Variants in INTS9 observed in about 807,000 individuals in gnomAD.
INTS9 encodes the protein integrator complex subunit 9.
INTS9 carries 55 observed loss-of-function variants against 79.7 expected under a neutral mutation model. The ratio of observed to expected loss-of-function variants is 0.69; its 90% CI spans 0.56 to 0.86. The LOEUF (loss-of-function observed/expected upper bound fraction) is 0.86, where lower values mean the gene tolerates loss of function less well. Among genes scored for constraint, INTS9 ranks in the 40% least tolerant of loss-of-function variants. The pLI is 0.00. For missense variants in INTS9, 721 were observed against 831.5 expected (o/e 0.87, Z 1.64); for synonymous variants, 319 against 325.2 (o/e 0.98, Z 0.20).
chr8:28,817,984 T>C (rs1254129797), intron 6 of INTS9, among the ~76,000 whole-genome samples: 9 of 148,228 alleles, frequency 6.1e-5, no homozygotes, highest in African/African-American at 1.7e-4. Flanking sequence ...ATGCTTGTGA[T>C]TTTTGTACAT....
chr8:28,840,293 C>T (rs889446579), intron 4 of INTS9, among the ~76,000 whole-genome samples: 23 of 150,982 alleles, frequency 1.5e-4, no homozygotes, highest in East Asian at 1.4e-3. Context: ...CAGGAAACAA[C>T]GGGTGCTGGA....
At chr8:28,836,102 G>A (rs1262227906) in intron 5 of INTS9, among the ~76,000 whole-genome samples, 3 of 152,150 alleles carry the variant, frequency 2.0e-5, no homozygotes, top group African/African-American at 7.2e-5. Context: ...ATGAGCCACC[G>A]TGGCCAGCCT....
intron 1 of INTS9, among the ~76,000 whole-genome samples, chr8:28,869,183 T>TA (rs951034153): frequency 3.3e-5 from 5 of 152,134 alleles, no homozygotes; most frequent in East Asian, 1.9e-4. Flanking sequence ...ATGCTTCCTT[T>TA]AAAAAAAATA....
At chr8:28,864,802 T>C (rs924147615) in intron 1 of INTS9, among the ~76,000 whole-genome samples, 2 of 151,998 alleles carry the variant, frequency 1.3e-5, no homozygotes, top group Non-Finnish European at 2.9e-5. Flanking sequence ...ATCCTAACAT[T>C]TTGGGAGGCT....
intron 1 of INTS9, among the ~76,000 whole-genome samples, chr8:28,882,641 T>C (rs1267885348): frequency 1.3e-5 from 2 of 151,608 alleles, no homozygotes; most frequent in African/African-American, 4.8e-5. Flanking sequence ...CAAGACATCT[T>C]ATTATACACC....
At chr8:28,852,230 T>G (rs1205175197) in intron 2 of INTS9, among the ~76,000 whole-genome samples, 2 of 148,354 alleles carry the variant, frequency 1.3e-5, no homozygotes, top group African/African-American at 4.9e-5. Context: ...CTCAAAAAAA[T>G]AAAAAAAGAA....
chr8:28,882,540 A>G (rs1315894757), intron 1 of INTS9, among the ~76,000 whole-genome samples: 2 of 143,894 alleles, frequency 1.4e-5, no homozygotes, highest in African/African-American at 5.2e-5. Flanking sequence ...GCTAAAAAAA[A>G]AAAAAAAGAA....
At chr8:28,797,631 T>C (rs150344052) in intron 8 of INTS9, among the ~76,000 whole-genome samples, 2 of 152,304 alleles carry the variant, frequency 1.3e-5, no homozygotes, top group East Asian at 1.9e-4. Context: ...TCAAAAAATA[T>C]TACCCTTTCT....
intron 16 of INTS9, among the ~76,000 whole-genome samples, chr8:28,769,150 C>T (rs2130831849): frequency 6.6e-6 from 1 of 152,234 alleles, no homozygotes; most frequent in Middle Eastern, 3.4e-3. Flanking sequence ...AAAACCAATC[C>T]TAGGAAAGGG....
At chr8:28,816,565 T>A (rs1265550485) in intron 6 of INTS9, among the ~76,000 whole-genome samples, 1 of 150,026 alleles carries the variant, frequency 6.7e-6, no homozygotes, top group African/African-American at 2.5e-5. Context: ...GTTGGACATT[T>A]GGGTTGGTTC....
At chr8:28,838,045 T>A (rs921784075) in intron 4 of INTS9, among the ~76,000 whole-genome samples, 2 of 151,954 alleles carry the variant, frequency 1.3e-5, no homozygotes, top group Admixed American at 1.3e-4. Context: ...ATTAGACTTA[T>A]GAGGTTAAAT....
intron 1 of INTS9, among the ~76,000 whole-genome samples, chr8:28,882,532 T>TAAAAAAAAAAAAAAAAAA (rs369293166): frequency 1.1e-4 from 7 of 63,306 alleles, no homozygotes; most frequent in South Asian, 5.0e-4. Flanking sequence ...TATTAACAGC[T>TAAAAAAAAAAAAAAAAAA]AAAAAAAAAA....
chr8:28,868,326 TA>T (rs1003040755), intron 1 of INTS9, among the ~76,000 whole-genome samples: 1 of 152,248 alleles, frequency 6.6e-6, no homozygotes, highest in Non-Finnish European at 1.5e-5. Context: ...TCTCTTACTG[TA>T]AAGTAGTTCT....
At chr8:28,856,420 G>A (rs1808162609) in intron 2 of INTS9, among the ~76,000 whole-genome samples, 1 of 152,022 alleles carries the variant, frequency 6.6e-6, no homozygotes, top group South Asian at 2.1e-4. Flanking sequence ...TTTTGTTTTT[G>A]TTGTTGTTTT....
chr8:28,843,738 T>C (rs928480343), intron 4 of INTS9, among the ~76,000 whole-genome samples: 1 of 152,096 alleles, frequency 6.6e-6, no homozygotes, highest in African/African-American at 2.4e-5. Context: ...TTTTCTTTTT[T>C]TTTTTTTAAA....
At chr8:28,860,476 T>C (rs773169706) in intron 1 of INTS9, among the ~76,000 whole-genome samples, 13 of 140,382 alleles carry the variant, frequency 9.3e-5, no homozygotes, top group South Asian at 2.2e-4. Context: ...CATTCTCTCC[T>C]TTTTTTTTTT....
At chr8:28,871,070 A>C (rs1012774980) in intron 1 of INTS9, among the ~76,000 whole-genome samples, 32 of 152,206 alleles carry the variant, frequency 2.1e-4, no homozygotes, top group Admixed American at 2.0e-3. Context: ...TGACTGGCTA[A>C]GTACTAGGGC....
rs539097853 is a variant in INTS9, at chr8:28,768,289, C to G, written c.1834G>C (p.Ala612Pro). 3 of 1,613,922 alleles carry G rather than the reference C, an allele frequency of 1.9e-6. No individual in the cohort carries two copies. The African/African-American group carries it at 4.0e-5, about 22-fold the overall frequency. ...GFSDIKVEDTAKGHIVLLQEA... is the reference protein window; with the variant it reads ...GFSDIKVEDTPKGHIVLLQEA... ...TGGAGCAGGACGATATGGCCCTTGG[C>G]TGTGTCCTCCACCTTAATATCACTG... Residue 612 changes from alanine to proline, a missense_variant, in exon 17 of 17, where the codon GCC becomes CCC. By Grantham distance (27) the Ala-to-Pro change is conservative. Coordinates refer to ENST00000521022, the MANE Select transcript of INTS9 (RefSeq NM_018250.4).
At chr8:28,855,387 T>C (rs1481142122) in intron 2 of INTS9, among the ~76,000 whole-genome samples, 1 of 152,200 alleles carries the variant, frequency 6.6e-6, no homozygotes, top group African/African-American at 2.4e-5. Context: ...AAGATAAAAT[T>C]TGATTTGTGC....
Sources: gnomAD v4.1 joint callset for allele counts (sites outside exome capture counted in the v4.1 genomes callset) on GRCh38, gnomAD v4.1.1 for gene constraint, MANE v1.5 for transcripts, NCBI Gene and HGNC (gene_info 2026-07-23, HGNC 2026-07-21) for gene names.